ZNF57: variants seen among roughly 807,000 people sequenced by gnomAD.
The protein encoded by ZNF57 is zinc finger protein 57.
Under a neutral mutation model 13.4 loss-of-function variants are expected in ZNF57, and 11 were observed. That is an observed-to-expected ratio of 0.82 (90% CI 0.52 to 1.36). ZNF57 has a LOEUF of 1.36. ZNF57 is among the 40% of genes most tolerant of loss of function. ZNF57 has a pLI of 0.00. For missense variants in ZNF57, 696 were observed against 667.5 expected (o/e 1.04, Z -0.47); for synonymous variants, 224 against 238.5 (o/e 0.94, Z 0.56).
intron 1 of ZNF57, among the ~76,000 whole-genome samples, chr19:2,908,414 G>A (rs983842129): frequency 6.7e-6 from 1 of 149,034 alleles, no homozygotes; most frequent in South Asian, 2.1e-4. Context: ...CATATAGAAC[G>A]TACAGCCATT....
chr19:2,900,951 T>TACC lies in ZNF57; in HGVS notation c.-92_-90dup. ...TCCTCCCTGCCGCGCGTGCCCTGCC[T>TACC]ACCACGAGCGGCCCGGGAGTACCTG... is the stretch of plus-strand genomic sequence containing the variant. On this transcript the variant is annotated 5_prime_UTR_variant, in exon 1 of 4. Transcript: ENST00000306908. The TACC allele has an allele frequency of 6.7e-7, 1 of 1,502,142 alleles. No homozygotes were observed. The highest frequency in any genetic ancestry group is 9.0e-7 in the Non-Finnish European group (1 of 1,110,492). The allele number at this position is 1,502,142 out of a possible 1,614,324, so 93.1% of individuals were successfully genotyped here.
At chr19:2,902,267 T>C (rs1249609792) in intron 1 of ZNF57, among the ~76,000 whole-genome samples, 3 of 152,096 alleles carry the variant, frequency 2.0e-5, no homozygotes, top group East Asian at 1.9e-4. Context: ...TTGCAGGGTA[T>C]CACTAATGCT....
At position 2,917,376 on chromosome 19, in the gene ZNF57, A is replaced by G. The variant is rs1172921432; in HGVS notation, c.755A>G (p.Tyr252Cys). ...AGAACTCACACAAAAGACAGGCCATATAAATGTCAGGAATGTGGGAGAGCC... is the reference window on the plus strand; with the variant it reads ...AGAACTCACACAAAAGACAGGCCATGTAAATGTCAGGAATGTGGGAGAGCC... ...HVRTHTKDRP[Y>C]KCQECGRAFI... The change falls in exon 4 of 4, where the codon TAT becomes TGT. Residue 252 changes from tyrosine to cysteine, a missense_variant. Around this residue, in one of 3 missense-constraint regions of ZNF57, gnomAD observed 645 missense variants for 591.5 expected, o/e 1.09. Coordinates refer to ENST00000306908, the MANE Select transcript of ZNF57 (RefSeq NM_173480.3). The G allele has an allele frequency of 8.7e-6, 14 of 1,614,136 alleles. No individual in the cohort carries two copies. Among genetic ancestry groups the G allele is most frequent in the Non-Finnish European group, 1.0e-5 (12 of 1,180,058 alleles).
At chr19:2,916,011 C>T (rs1047285941) in intron 2 of ZNF57, 67 bp from the exon 3 acceptor site, 2 of 1,529,178 alleles carry the variant, frequency 1.3e-6, no homozygotes, top group Non-Finnish European at 1.8e-6. Context: ...TGCTAAACTC[C>T]TCAGTGTCTT....
intron 3 of ZNF57, 188 bp from the exon 4 acceptor site, chr19:2,916,736 G>A (rs1468184844): frequency 2.2e-6 from 1 of 458,204 alleles, no homozygotes; most frequent in Non-Finnish European, 3.7e-6. Flanking sequence ...TAAATAAAAA[G>A]AAATTACAGG....
At chr19:2,903,866 C>A (rs2088050593) in intron 1 of ZNF57, among the ~76,000 whole-genome samples, 1 of 152,092 alleles carries the variant, frequency 6.6e-6, no homozygotes. Flanking sequence ...CAGGCGACCG[C>A]CACCTCGCCC....
At chr19:2,906,463 T>C (rs2088076109) in intron 1 of ZNF57, among the ~76,000 whole-genome samples, 1 of 152,188 alleles carries the variant, frequency 6.6e-6, no homozygotes, top group South Asian at 2.1e-4. Flanking sequence ...AATATGCCAG[T>C]GGGGCTCAGA....
intron 1 of ZNF57, among the ~76,000 whole-genome samples, chr19:2,910,997 C>T (rs2088128998): frequency 6.6e-6 from 1 of 151,794 alleles, no homozygotes; most frequent in Non-Finnish European, 1.5e-5. Flanking sequence ...TTGTGTGATT[C>T]CATTTTTTCT....
intron 1 of ZNF57, among the ~76,000 whole-genome samples, chr19:2,908,614 A>C (rs1359478971): frequency 6.6e-6 from 1 of 151,934 alleles, no homozygotes; most frequent in Non-Finnish European, 1.5e-5. Context: ...AGAGATAGCT[A>C]GGATGATCTC....
At chr19:2,904,527 CTTTGTTTTTGTTTG>C (rs1249283554) in intron 1 of ZNF57, among the ~76,000 whole-genome samples, 1 of 151,760 alleles carries the variant, frequency 6.6e-6, no homozygotes, top group Admixed American at 6.6e-5. Flanking sequence ...TTGTTTGTTT[CTTTGTTTTTGTTTG>C]TTTGTTTTTG....
chr19:2,908,191 T>G (rs1379894895), intron 1 of ZNF57, among the ~76,000 whole-genome samples: 1 of 152,218 alleles, frequency 6.6e-6, no homozygotes, highest in Non-Finnish European at 1.5e-5. Context: ...GATTATCTCT[T>G]TGTTCTGTTG....
Position 2,911,256 on chromosome 19 carries a change from C to A in ZNF57, c.4-4266C>A, listed in dbSNP as rs185902632. 1.0e-3 allele frequency among the ~76,000 whole-genome samples: 157 copies of A among 152,106 alleles called. 1 individual carries two copies. The highest frequency in any genetic ancestry group is 3.5e-3 in the African/African-American group (147 of 41,520). ...TTTTTAAAAACTTTTTGTGGCCGGGCACGGTGGCTCATGCCTGTAATCCCA... is the reference window on the plus strand; with the variant it reads ...TTTTTAAAAACTTTTTGTGGCCGGGAACGGTGGCTCATGCCTGTAATCCCA... On this transcript the variant is annotated intron_variant, in intron 1 of 3. Coordinates refer to ENST00000306908, the MANE Select transcript of ZNF57 (RefSeq NM_173480.3).
chr19:2,916,329 TC>T (rs2144935367), intron 3 of ZNF57, 80 bp downstream of exon 3: 1 of 1,294,946 alleles, frequency 7.7e-7, no homozygotes, highest in South Asian at 1.9e-5. Context: ...TAAGCATTGC[TC>T]CAAATTTGTT....
intron 1 of ZNF57, among the ~76,000 whole-genome samples, chr19:2,914,496 C>T (rs2088171081): frequency 6.6e-6 from 1 of 152,208 alleles, no homozygotes; most frequent in African/African-American, 2.4e-5. Flanking sequence ...CTCAGGTGAT[C>T]TGCCTGCCTC....
chr19:2,910,919 C>G (rs2088128268), intron 1 of ZNF57, among the ~76,000 whole-genome samples: 1 of 151,582 alleles, frequency 6.6e-6, no homozygotes, highest in South Asian at 2.1e-4. Context: ...GTTTTTGTTG[C>G]CCTGGTTCGT....
chr19:2,915,433 G>C (rs1452247535), intron 1 of ZNF57, 89 bp from the exon 2 acceptor site: 2 of 1,539,850 alleles, frequency 1.3e-6, no homozygotes, highest in African/African-American at 1.4e-5. Flanking sequence ...GGACACCACA[G>C]AATCTTGTTT....
chr19:2,908,787 G>A (rs998184833), intron 1 of ZNF57, among the ~76,000 whole-genome samples: 1 of 151,994 alleles, frequency 6.6e-6, no homozygotes, highest in Non-Finnish European at 1.5e-5. Flanking sequence ...GAAACCCCCA[G>A]ACCCTTCAGT....
intron 1 of ZNF57, among the ~76,000 whole-genome samples, chr19:2,905,627 T>C (rs140719225): frequency 0.03 from 4,558 of 151,200 alleles, 104 homozygotes; most frequent in Middle Eastern, 0.1. Flanking sequence ...TAGCCGGGTG[T>C]GGTGGTGGGC....
intron 1 of ZNF57, among the ~76,000 whole-genome samples, chr19:2,907,322 G>T (rs909509479): frequency 1.3e-5 from 2 of 152,036 alleles, no homozygotes; most frequent in Admixed American, 6.6e-5. Flanking sequence ...GAGTCTAGTG[G>T]GGTGCAGCAG....
Sources: gnomAD v4.1 joint callset for allele counts (sites outside exome capture counted in the v4.1 genomes callset) on GRCh38, gnomAD v4.1.1 for gene constraint, gnomAD v4.1.1 regional missense constraint, MANE v1.5 for transcripts, NCBI Gene and HGNC (gene_info 2026-07-23, HGNC 2026-07-21) for gene names.